The following VGLL4 variants were observed in gnomAD, a reference collection of about 807,000 sequenced individuals.
VGLL4 encodes vestigial like family member 4.
In VGLL4, 7 loss-of-function variants were observed where a neutral mutation model predicts 21.0. The observed-to-expected ratio is 0.33, with a 90% CI of 0.19 to 0.63. VGLL4 has a LOEUF of 0.63. Among genes scored for constraint, VGLL4 ranks in the 20% least tolerant of loss-of-function variants. The pLI is 0.78. For synonymous variants in VGLL4, 222 were observed against 173.2 expected, an observed-to-expected ratio of 1.28 and a Z score of -2.21; for missense variants, 394 against 425.7, an observed-to-expected ratio of 0.93 and a Z score of 0.66.
chr3:11,570,327 C>T (rs1182024446), intron 2 of VGLL4, among the ~76,000 whole-genome samples: 3 of 152,150 alleles, frequency 2.0e-5, no homozygotes, highest in African/African-American at 4.8e-5. Context: ...CACCTTCCTG[C>T]CCCAACTGCA....
intron 1 of VGLL4, among the ~76,000 whole-genome samples, chr3:11,616,232 G>C (rs753151791): frequency 8.6e-5 from 13 of 151,692 alleles, no homozygotes; most frequent in Non-Finnish European, 1.6e-4. Flanking sequence ...GCCTGGAACA[G>C]TCCCTCACTT....
chr3:11,718,659 A>G (rs1306302363), intron 1 of VGLL4, among the ~76,000 whole-genome samples: 3 of 152,084 alleles, frequency 2.0e-5, no homozygotes, highest in African/African-American at 2.4e-5. Flanking sequence ...ACTCCTTCTG[A>G]GTAGAGGTAG....
intron 1 of VGLL4, among the ~76,000 whole-genome samples, chr3:11,623,007 G>A (rs770952033): frequency 1.3e-5 from 2 of 152,114 alleles, no homozygotes; most frequent in Non-Finnish European, 2.9e-5. Flanking sequence ...AAATAGCTGA[G>A]GTAGCAACCT....
intron 1 of VGLL4, among the ~76,000 whole-genome samples, chr3:11,610,985 G>A (rs942599904): frequency 2.0e-4 from 31 of 152,194 alleles, no homozygotes; most frequent in Non-Finnish European, 3.1e-4. Context: ...TCTCAAGGTC[G>A]CAAAGCTGAT....
chr3:11,606,403 T>C (rs954760102), intron 1 of VGLL4, among the ~76,000 whole-genome samples: 1 of 152,186 alleles, frequency 6.6e-6, no homozygotes, highest in Admixed American at 6.5e-5. Context: ...CCTGTTAGGA[T>C]GGCTATGATC....
At chr3:11,711,321 C>G (rs976338419) in intron 1 of VGLL4, among the ~76,000 whole-genome samples, 2 of 151,976 alleles carry the variant, frequency 1.3e-5, no homozygotes, top group African/African-American at 4.8e-5. Context: ...GGGCAGATCA[C>G]AAGGTAAGGA....
intron 2 of VGLL4, among the ~76,000 whole-genome samples, chr3:11,572,546 C>G (rs560897388): frequency 4.5e-4 from 69 of 152,340 alleles, no homozygotes; most frequent in Admixed American, 1.8e-3. Flanking sequence ...ATTCCCCTCT[C>G]TTCGTCCCCT....
At chr3:11,564,656 G>T in intron 3 of VGLL4, 141 bp downstream of exon 3, 4 of 831,146 alleles carry the variant, frequency 4.8e-6, no homozygotes, top group Non-Finnish European at 7.1e-6. Flanking sequence ...AGAGGCGAAG[G>T]GTGGCATCCC....
intron 2 of VGLL4, among the ~76,000 whole-genome samples, chr3:11,692,715 A>G (rs2076546117): frequency 7.1e-6 from 1 of 141,014 alleles, no homozygotes; most frequent in South Asian, 2.4e-4. Flanking sequence ...GAAGGAAGAC[A>G]GAGGTTTGTT....
intron 2 of VGLL4, among the ~76,000 whole-genome samples, chr3:11,665,324 A>G (rs1351630520): frequency 6.6e-6 from 1 of 152,012 alleles, no homozygotes; most frequent in Non-Finnish European, 1.5e-5. Flanking sequence ...CGTGTTAGCC[A>G]GGATGGTCTC....
intron 1 of VGLL4, among the ~76,000 whole-genome samples, chr3:11,618,119 G>A (rs1021991223): frequency 1.1e-4 from 16 of 152,058 alleles, no homozygotes; most frequent in Non-Finnish European, 1.9e-4. Flanking sequence ...TCTGAATACC[G>A]ATGTTTAAAA....
intron 2 of VGLL4, among the ~76,000 whole-genome samples, chr3:11,702,087 T>C (rs764324563): frequency 3.3e-5 from 5 of 152,224 alleles, no homozygotes; most frequent in Non-Finnish European, 5.9e-5. Context: ...TTTTCATGAC[T>C]GTTTTCCATT....
chr3:11,634,816 C>T (rs11128559), intron 1 of VGLL4, among the ~76,000 whole-genome samples: 25,215 of 151,800 alleles, frequency 0.17, 2,273 homozygotes, highest in South Asian at 0.22. Context: ...TATCTGGGAT[C>T]GCGCACCAGC....
chr3:11,605,830 T>C (rs1262480600), intron 1 of VGLL4, among the ~76,000 whole-genome samples: 3 of 152,144 alleles, frequency 2.0e-5, no homozygotes, highest in African/African-American at 7.2e-5. Context: ...AAAGATGTTA[T>C]AGAATAAGGA....
At chr3:11,661,390 G>A (rs1053398456) in intron 2 of VGLL4, among the ~76,000 whole-genome samples, 2 of 152,142 alleles carry the variant, frequency 1.3e-5, no homozygotes, top group African/African-American at 2.4e-5. Context: ...CAGCCAGAGA[G>A]ATTATGCTGG....
intron 1 of VGLL4, among the ~76,000 whole-genome samples, chr3:11,629,151 C>T (rs1316647581): frequency 1.3e-5 from 2 of 152,122 alleles, no homozygotes; most frequent in African/African-American, 4.8e-5. Flanking sequence ...TTTAAACACA[C>T]TATGATTTTG....
upstream of VGLL4, among the ~76,000 whole-genome samples, chr3:11,645,668 T>G (rs1022491668): frequency 6.7e-6 from 1 of 148,784 alleles, no homozygotes; most frequent in Non-Finnish European, 1.5e-5. Context: ...GGCAAGGTGT[T>G]CTAATGAAAT....
chr3:11,709,435 T>TCAAAAAAAAAAAAAAAAA (rs1228813940), intron 1 of VGLL4, among the ~76,000 whole-genome samples: 21 of 108,848 alleles, frequency 1.9e-4, no homozygotes, highest in African/African-American at 6.4e-4. Context: ...AGACTCCGTC[T>TCAAAAAAAAAAAAAAAAA]AAAAAAAAAA....
intron 2 of VGLL4, among the ~76,000 whole-genome samples, chr3:11,665,144 C>T (rs544173512): frequency 6.2e-5 from 7 of 113,600 alleles, no homozygotes; most frequent in East Asian, 5.5e-4. Flanking sequence ...GACGGAGTCT[C>T]GCTCTGTCAC....
Sources: gnomAD v4.1 joint callset for allele counts (sites outside exome capture counted in the v4.1 genomes callset) on GRCh38, gnomAD v4.1.1 for gene constraint, MANE v1.5 for transcripts, NCBI Gene and HGNC (gene_info 2026-07-23, HGNC 2026-07-21) for gene names.